The following NBEA variants were observed in gnomAD, a reference collection of about 807,000 sequenced individuals.
NBEA encodes lysosomal-trafficking regulator 2.
NBEA carries 44 observed loss-of-function variants against 343.4 expected under a neutral mutation model. The observed-to-expected ratio is 0.13, with a 90% CI of 0.10 to 0.16. NBEA has a LOEUF of 0.16. NBEA is among the 10% of genes least tolerant of loss of function. The pLI is 1.00. For missense variants in NBEA, 2,555 were observed against 3,631.3 expected (o/e 0.70, Z 7.62); for synonymous variants, 1,175 against 1,238.7 (o/e 0.95, Z 1.08).
At chr13:35,461,667 C>T (rs987241524) in intron 40 of NBEA, among the ~76,000 whole-genome samples, 1 of 152,200 alleles carries the variant, frequency 6.6e-6, no homozygotes, top group Non-Finnish European at 1.5e-5. Flanking sequence ...TCTTCATTAT[C>T]TTGTCACTGC....
In NBEA at chr13:35,041,094, G is replaced by C; in HGVS notation, c.456G>C (p.Gln152His). 1 of 1,613,124 alleles carries C rather than the reference G, an allele frequency of 6.2e-7. No homozygotes were observed. Among genetic ancestry groups the C allele is most frequent in the Non-Finnish European group, 8.5e-7 (1 of 1,179,452 alleles). ...AILRKSVRNL[Q>H]TSTEVGLIEQ... Reference sequence around the variant, plus strand: ...TACGAAAAAGTGTTCGGAATTTACAGACTAGCACAGAAGTTGGGCTAATTG... The same window carrying C: ...TACGAAAAAGTGTTCGGAATTTACACACTAGCACAGAAGTTGGGCTAATTG... The change falls in exon 2 of 59, where the codon CAG becomes CAC. Residue 152 changes from glutamine to histidine, a missense_variant. Gln to His is a conservative substitution (Grantham distance 24). Transcript: ENST00000379939.
In NBEA at chr13:35,156,204, A is replaced by C; in HGVS notation, c.2649A>C (p.Arg883Ser). The C allele has an allele frequency of 6.3e-7, 1 of 1,577,616 alleles. No homozygotes were observed. The change falls in exon 20 of 59, where the codon AGA becomes AGC. Residue 883 changes from arginine (R) to serine (S), a missense_variant and splice_region_variant. Coordinates refer to ENST00000379939, the MANE Select transcript of NBEA (RefSeq NM_001385012.1). ...TTTTCAGTAACAGCCGTGAAAATAGAAGGTAAGCAGTTTGGATACTGTAAC... is the reference window on the plus strand; with the variant it reads ...TTTTCAGTAACAGCCGTGAAAATAGCAGGTAAGCAGTTTGGATACTGTAAC... ...IKLFSNSREN[R>S]RCLLQCSVWQ...
intron 38 of NBEA, among the ~76,000 whole-genome samples, chr13:35,362,085 G>A (rs1456886321): frequency 1.3e-5 from 2 of 151,824 alleles, no homozygotes; most frequent in Non-Finnish European, 2.9e-5. Flanking sequence ...ACATGGCCTG[G>A]GAAAGGTTTT....
chr13:35,074,377 T>C (rs2064017058), intron 10 of NBEA, among the ~76,000 whole-genome samples: 1 of 152,178 alleles, frequency 6.6e-6, no homozygotes, highest in African/African-American at 2.4e-5. Context: ...ATGTAGGTGA[T>C]ACAAAATAAA....
chr13:35,664,852 T>C (rs1402109664), intron 55 of NBEA, among the ~76,000 whole-genome samples: 6 of 152,264 alleles, frequency 3.9e-5, no homozygotes, highest in Non-Finnish European at 8.8e-5. Context: ...GTTCTAAGCA[T>C]GTTACATACG....
intron 36 of NBEA, among the ~76,000 whole-genome samples, chr13:35,319,061 T>C (rs1339571753): frequency 6.6e-6 from 1 of 152,192 alleles, no homozygotes; most frequent in Non-Finnish European, 1.5e-5. Flanking sequence ...GCTCCTGGAT[T>C]CATTGATTTT....
intron 1 of NBEA, among the ~76,000 whole-genome samples, chr13:34,993,507 C>T (rs559135668): frequency 6.6e-6 from 1 of 152,300 alleles, no homozygotes; most frequent in South Asian, 2.1e-4. Flanking sequence ...ATTGCTTATT[C>T]AGGATTTCAT....
At position 35,142,385 on chromosome 13, in the gene NBEA, T is replaced by TA; in HGVS notation, c.2445+14dup. 1.3e-6 allele frequency: 2 copies of TA among 1,598,590 alleles called. No individual in the cohort carries two copies. Among genetic ancestry groups the TA allele is most frequent in the South Asian group, 1.1e-5 (1 of 90,196 alleles). ...TACAACACACTTTATGAGGTAAAAA[T>TA]AAAAAATGTGTGATGAAAGTTTTAA... On this transcript the variant is annotated intron_variant, in intron 18 of 58. Transcript: ENST00000379939.
chr13:35,291,739 T>A (rs74048984), intron 35 of NBEA, among the ~76,000 whole-genome samples: 2 of 151,932 alleles, frequency 1.3e-5, no homozygotes, highest in Non-Finnish European at 2.9e-5. Context: ...GTGTCTTTGA[T>A]GGCCTCATCA....
At chr13:35,429,033 A>T (rs1230863336) in intron 38 of NBEA, among the ~76,000 whole-genome samples, 1 of 152,058 alleles carries the variant, frequency 6.6e-6, no homozygotes, top group African/African-American at 2.4e-5. Flanking sequence ...GGCTGGCCTC[A>T]TTGCTGTTTG....
Position 35,184,051 on chromosome 13 carries a change from T to C in NBEA, c.4907T>C (p.Phe1636Ser). 1 of 1,611,070 alleles carries C rather than the reference T, an allele frequency of 6.2e-7. No homozygotes were observed. The highest frequency in any genetic ancestry group is 8.5e-7 in the Non-Finnish European group (1 of 1,177,946). The change falls in exon 30 of 59, where the codon TTT becomes TCT. Residue 1636 changes from phenylalanine to serine, a missense_variant. This residue lies in a region of NBEA where 270 missense variants were observed against 293.3 expected (regional missense o/e 0.92). Coordinates refer to ENST00000379939, the MANE Select transcript of NBEA (RefSeq NM_001385012.1). ...GCCAAGTTAATTCCTGAGCAGAGCT[T>C]TGGCCACTCATTTTACAAAGGTAAT... ...FLAKLIPEQS[F>S]GHSFYKETPA...
intron 53 of NBEA, among the ~76,000 whole-genome samples, chr13:35,653,724 A>G (rs1281118987): frequency 1.3e-5 from 2 of 152,168 alleles, no homozygotes; most frequent in Non-Finnish European, 2.9e-5. Flanking sequence ...CCCATACACA[A>G]AATACCATTT....
chr13:35,597,700 A>G (rs1395350164), intron 47 of NBEA, among the ~76,000 whole-genome samples: 6 of 152,182 alleles, frequency 3.9e-5, no homozygotes, highest in African/African-American at 1.2e-4. Flanking sequence ...GTACTAGCAC[A>G]GAGTCTGTCC....
Position 35,080,041 on chromosome 13 carries a change from A to G in NBEA, c.1571+9189A>G, listed in dbSNP as rs1269876243. ...TTACCTATTTCTGAAGTATGGGTAC[A>G]GATGCTTGTTTCTTTCTGCACTGTG... On this transcript the variant is annotated intron_variant, in intron 10 of 58. Coordinates refer to ENST00000379939, the MANE Select transcript of NBEA (RefSeq NM_001385012.1). 2.6e-5 allele frequency among the ~76,000 whole-genome samples: 4 copies of G among 152,156 alleles called. No individual in the cohort carries two copies. In the East Asian group the frequency reaches 7.7e-4, roughly 29 times the overall value.
At chr13:35,212,732 G>A (rs981316742) in intron 33 of NBEA, among the ~76,000 whole-genome samples, 5 of 152,084 alleles carry the variant, frequency 3.3e-5, no homozygotes, top group African/African-American at 1.2e-4. Flanking sequence ...TTTGGCAGAA[G>A]TATAGTGGCA....
chr13:35,358,799 A>C (rs1032741493), intron 38 of NBEA, among the ~76,000 whole-genome samples: 6 of 152,212 alleles, frequency 3.9e-5, no homozygotes, highest in African/African-American at 1.4e-4. Flanking sequence ...TTGAAGGAGC[A>C]CATAAAACAG....
In NBEA at chr13:35,622,756, G is replaced by A. The variant is rs189665438; in HGVS notation, c.7450-5325G>A. On this transcript the variant is annotated intron_variant, in intron 48 of 58. Transcript: ENST00000379939. ...CAGATTTTTGACGTAATGAGAAAAA[G>A]GGATGGGAAATATTTTTGCTCTGAT... 1.5e-3 allele frequency among the ~76,000 whole-genome samples: 229 copies of A among 152,176 alleles called. 1 individual carries two copies. Among genetic ancestry groups the A allele is most frequent in the African/African-American group, 5.3e-3 (222 of 41,518 alleles).
chr13:35,503,282 A>G (rs1326177478), intron 41 of NBEA, among the ~76,000 whole-genome samples: 1 of 151,848 alleles, frequency 6.6e-6, no homozygotes, highest in Non-Finnish European at 1.5e-5. Flanking sequence ...ATTACTGATA[A>G]TCAAACAGCC....
At position 35,065,909 on chromosome 13, in the gene NBEA, A is replaced by C. The variant is rs147461554; in HGVS notation, c.1240-3999A>C. ...GTATTATATCTGTCTTCATAAATTT[A>C]TTCAGGTTTGTTTTATGACCTGAGT... On this transcript the variant is annotated intron_variant, in intron 8 of 58. Coordinates refer to ENST00000379939, the MANE Select transcript of NBEA (RefSeq NM_001385012.1). Among the ~76,000 whole-genome samples, 81 of 152,200 alleles carry C rather than the reference A, an allele frequency of 5.3e-4. 1 individual carries two copies. The East Asian group carries it at 0.015, about 28-fold the overall frequency.
Sources: allele counts gnomAD v4.1 joint callset (sites outside exome capture counted in the v4.1 genomes callset), GRCh38; gene constraint gnomAD v4.1.1; regional missense constraint gnomAD v4.1.1; transcripts MANE v1.5; gene names NCBI Gene and HGNC (gene_info 2026-07-23, HGNC 2026-07-21).